ZDHHC23: variants seen among roughly 807,000 people sequenced by gnomAD.
The protein encoded by ZDHHC23 is zDHHC palmitoyltransferase 23.
Under a neutral mutation model 40.2 loss-of-function variants are expected in ZDHHC23, and 41 were observed. That is an observed-to-expected ratio of 1.02 (90% CI 0.79 to 1.32). The LOEUF (loss-of-function observed/expected upper bound fraction) is 1.32, where lower values mean the gene tolerates loss of function less well. Among genes scored for constraint, ZDHHC23 ranks in the 40% most tolerant of loss-of-function variants. ZDHHC23 has a pLI of 0.00. For missense variants in ZDHHC23, 471 were observed against 541.5 expected (o/e 0.87, Z 1.29); for synonymous variants, 204 against 210.2 (o/e 0.97, Z 0.26).
Position 113,948,868 on chromosome 3 carries a change from C to T in ZDHHC23, c.66C>T (p.Pro22=), listed in dbSNP as rs1483454116. 2.5e-6 allele frequency: 4 copies of T among 1,614,026 alleles called. No homozygotes were observed. Among genetic ancestry groups the T allele is most frequent in the Non-Finnish European group, 3.4e-6 (4 of 1,180,040 alleles). ...KKKTEEPELE[P]LCCCEYIDRN... ...AAACCGAAGAACCTGAATTGGAGCCCCTGTGCTGCTGCGAGTACATAGATC... is the reference window on the plus strand; with the variant it reads ...AAACCGAAGAACCTGAATTGGAGCCTCTGTGCTGCTGCGAGTACATAGATC... Residue 22 remains proline, a synonymous_variant, in exon 2 of 5, where the codon CCC becomes CCT. Coordinates refer to ENST00000638807, the MANE Select transcript of ZDHHC23 (RefSeq NM_001320466.2).
chr3:113,955,212 G>A (rs6799923), intron 3 of ZDHHC23, among the ~76,000 whole-genome samples: 4,058 of 152,368 alleles, frequency 0.027, 196 homozygotes, highest in African/African-American at 0.092. Flanking sequence ...GCAGGAGAGG[G>A]TGAGGGTGCA....
At chr3:113,956,190 T>G in intron 3 of ZDHHC23, 149 bp from the exon 4 acceptor site, 1 of 768,748 alleles carries the variant, frequency 1.3e-6, no homozygotes, top group Non-Finnish European at 2.0e-6. Flanking sequence ...GAGGTTGCAG[T>G]GAGCCAAGAT....
intron 4 of ZDHHC23, among the ~76,000 whole-genome samples, chr3:113,956,769 G>T (rs1367375131): frequency 6.8e-6 from 1 of 148,016 alleles, no homozygotes; most frequent in African/African-American, 2.5e-5. Context: ...GGGACTTCCA[G>T]AGTCAAATGA....
At chr3:113,951,230 C>T (rs991557342) in intron 2 of ZDHHC23, among the ~76,000 whole-genome samples, 3 of 152,098 alleles carry the variant, frequency 2.0e-5, no homozygotes, top group African/African-American at 7.2e-5. Flanking sequence ...CTGTAGTGGC[C>T]CCACCACAAT....
downstream of ZDHHC23, among the ~76,000 whole-genome samples, chr3:113,967,873 T>C (rs567120208): frequency 1.3e-5 from 2 of 152,280 alleles, no homozygotes; most frequent in South Asian, 4.1e-4. Context: ...CTCTCCCACA[T>C]GAGTAAGAAC....
At chr3:113,965,362 TTAAGAA>T (rs1559860839), downstream of ZDHHC23, 3 of 1,549,792 alleles carry the variant, frequency 1.9e-6, no homozygotes, top group East Asian at 6.8e-5. Context: ...GGATCCTCCT[TTAAGAA>T]TAAAGAAGGA....
chr3:113,960,175 A>G lies in ZDHHC23; in HGVS notation c.*1545A>G. The G allele has an allele frequency of 1.0e-6, 1 of 989,954 alleles. No individual in the cohort carries two copies. The highest frequency in any genetic ancestry group is 1.2e-6 in the Non-Finnish European group (1 of 832,572). 61.3% of individuals were successfully genotyped at this position (989,954 alleles called of 1,614,324 possible). A position where few individuals can be genotyped will look rare whatever the true frequency, so the allele number is the denominator to read the frequency against. On this transcript the variant is annotated 3_prime_UTR_variant, in exon 5 of 5. Transcript: ENST00000638807. ...ATATTTGTTGAGAGGAAATATTGCT[A>G]CTTCCTGCACTTCCACCCTCTGCAG...
Position 113,962,471 on chromosome 3 carries a change from A to G in ZDHHC23, c.*3841A>G, listed in dbSNP as rs1310362866. Reference sequence around the variant, plus strand: ...CTTCTTGATGGCACCTTGAAAGTGAACTTCTAGAAATCTACATTTAAAAGG... The same window carrying G: ...CTTCTTGATGGCACCTTGAAAGTGAGCTTCTAGAAATCTACATTTAAAAGG... On this transcript the variant is annotated 3_prime_UTR_variant, in exon 5 of 5. Transcript: ENST00000638807. 6.6e-6 allele frequency: 1 copy of G among 152,176 alleles called. No homozygotes were observed. The highest frequency in any genetic ancestry group is 6.5e-5 in the Admixed American group (1 of 15,274). The allele number at this position is 152,176 out of a possible 1,614,324, so 9.4% of individuals were successfully genotyped here.
At chr3:113,965,081 G>T, downstream of ZDHHC23, 1 of 796,900 alleles carries the variant, frequency 1.3e-6, no homozygotes, top group Non-Finnish European at 2.0e-6. Flanking sequence ...ATGTATGTAT[G>T]TGTGTGGGTG....
At chr3:113,972,215 A>T in the ZDHHC23 span, among the ~76,000 whole-genome samples, 1 of 152,054 alleles carries the variant, frequency 6.6e-6, no homozygotes, top group Admixed American at 6.6e-5. Flanking sequence ...TATTGCTATA[A>T]ACTTCTCTCT....
chr3:113,978,763 A>AG, the ZDHHC23 span: 3 of 1,350,694 alleles, frequency 2.2e-6, no homozygotes, highest in Non-Finnish European at 3.1e-6. Flanking sequence ...TCTTGAAAAA[A>AG]CATAATGACC....
chr3:113,968,222 A>C (rs1940412162), downstream of ZDHHC23, among the ~76,000 whole-genome samples: 1 of 152,060 alleles, frequency 6.6e-6, no homozygotes, highest in African/African-American at 2.4e-5. Flanking sequence ...TGTTCTCTAT[A>C]ATGGCTGTAC....
Position 113,954,490 on chromosome 3 carries a change from T to C in ZDHHC23, c.872+80T>C, listed in dbSNP as rs1938984285. On this transcript the variant is annotated intron_variant, in intron 3 of 4. Transcript: ENST00000638807. Reference sequence around the variant, plus strand: ...TTACATTTTATCTTCCCTTGTGCTATCCCAAAATTTCTCTCCTTCCCAGCT... The same window carrying C: ...TTACATTTTATCTTCCCTTGTGCTACCCCAAAATTTCTCTCCTTCCCAGCT... 5 of 1,328,496 alleles carry C rather than the reference T, an allele frequency of 3.8e-6. 1 individual carries two copies. Among genetic ancestry groups the C allele is most frequent in the Non-Finnish European group, 5.0e-6 (5 of 990,300 alleles). 82.3% of individuals were successfully genotyped at this position (1,328,496 alleles called of 1,614,324 possible). A position where few individuals can be genotyped will look rare whatever the true frequency, so the allele number is the denominator to read the frequency against.
chr3:113,953,553 A>G lies in ZDHHC23; in HGVS notation c.162-147A>G, dbSNP rs115528448. ...TTTTAAAAAATGACATGTGAATCTG[A>G]AAAGCTTAATTTAGTAGTAAGGAAG... On this transcript the variant is annotated intron_variant, in intron 2 of 4. Transcript: ENST00000638807. The G allele has an allele frequency of 1.0e-3, 697 of 679,302 alleles. No individual in the cohort carries two copies. The African/African-American group carries it at 0.012, about 12-fold the overall frequency. The allele number at this position is 679,302 out of a possible 1,614,324, so 42.1% of individuals were successfully genotyped here. A position where few individuals can be genotyped will look rare whatever the true frequency, so the allele number is the denominator to read the frequency against.
At chr3:113,976,638 A>T in the ZDHHC23 span, among the ~76,000 whole-genome samples, 2 of 151,656 alleles carry the variant, frequency 1.3e-5, no homozygotes, top group Non-Finnish European at 2.9e-5. Context: ...ATGACACTAA[A>T]CTAAAAAAAA....
the ZDHHC23 span, among the ~76,000 whole-genome samples, chr3:113,976,580 A>G: frequency 6.6e-6 from 1 of 152,162 alleles, no homozygotes. Context: ...AGAAACAGAA[A>G]GAAAACATAG....
At chr3:113,953,314 C>A (rs1399212241) in intron 2 of ZDHHC23, among the ~76,000 whole-genome samples, 3 of 152,184 alleles carry the variant, frequency 2.0e-5, no homozygotes, top group African/African-American at 7.2e-5. Context: ...AATGTTTGAT[C>A]ACAAGAGTTT....
At chr3:113,955,359 C>T (rs1333216432) in intron 3 of ZDHHC23, among the ~76,000 whole-genome samples, 2 of 147,408 alleles carry the variant, frequency 1.4e-5, no homozygotes, top group Admixed American at 1.3e-4. Flanking sequence ...TTCACTTATT[C>T]GTGTGTGTGT....
chr3:113,948,974 AGC>A lies in ZDHHC23; in HGVS notation c.161+12_161+13del. ...TGAAGGGTGTGATCGGTAAGAACAG[AGC>A]ATTTCTTGACGCTGGCCCCATCACC... On this transcript the variant is annotated intron_variant, in intron 2 of 4. Coordinates refer to ENST00000638807, the MANE Select transcript of ZDHHC23 (RefSeq NM_001320466.2). The A allele has an allele frequency of 6.2e-7, 1 of 1,613,964 alleles. No homozygotes were observed. Among genetic ancestry groups the A allele is most frequent in the Non-Finnish European group, 8.5e-7 (1 of 1,179,920 alleles).
Sources: gnomAD v4.1 joint callset for allele counts (sites outside exome capture counted in the v4.1 genomes callset) on GRCh38, gnomAD v4.1.1 for gene constraint, MANE v1.5 for transcripts, NCBI Gene and HGNC (gene_info 2026-07-23, HGNC 2026-07-21) for gene names.